ADD2: variants seen among roughly 807,000 people sequenced by gnomAD.
ADD2 encodes the protein adducin 2.
In ADD2, 23 loss-of-function variants were observed where a neutral mutation model predicts 83.0. The observed-to-expected ratio is 0.28, with a 90% CI of 0.20 to 0.39. The LOEUF (loss-of-function observed/expected upper bound fraction) is 0.39, where lower values mean the gene tolerates loss of function less well. ADD2 is among the 10% of genes least tolerant of loss of function. ADD2 has a pLI of 1.00. For synonymous variants in ADD2, 375 were observed against 375.4 expected, an observed-to-expected ratio of 1.00 and a Z score of 0.01; for missense variants, 758 against 944.9, an observed-to-expected ratio of 0.80 and a Z score of 2.59.
rs781822386 is a variant in ADD2, at chr2:70,706,486, C to T, written c.-34-44G>A. 6 of 1,503,296 alleles carry T rather than the reference C, an allele frequency of 4.0e-6. No homozygotes were observed. The East Asian group carries it at 1.4e-4, about 34-fold the overall frequency. The allele number at this position is 1,503,296 out of a possible 1,614,324, so 93.1% of individuals were successfully genotyped here. A position where few individuals can be genotyped will look rare whatever the true frequency, so the allele number is the denominator to read the frequency against. On this transcript the variant is annotated intron_variant, in intron 2 of 15. Transcript: ENST00000264436. This position sits in a 1 kb window ranked among gnomAD's most constrained non-coding sequence, Gnocchi z 5.0. Reference sequence around the variant, plus strand: ...GGTATGCGGTCAGGTTGGTGCTCCCCATCGGGGTACACGTTTCTCAGAGCA... The same window carrying T: ...GGTATGCGGTCAGGTTGGTGCTCCCTATCGGGGTACACGTTTCTCAGAGCA...
At position 70,757,465 on chromosome 2, in the gene ADD2, G is replaced by C. The variant is rs1368226870; in HGVS notation, c.-154+10421C>G. 1.3e-5 allele frequency among the ~76,000 whole-genome samples: 2 copies of C among 152,316 alleles called. 1 individual carries two copies. The highest frequency in any genetic ancestry group is 6.8e-3 in the Middle Eastern group (2 of 294). Reference sequence around the variant, plus strand: ...TAAGAGAGAGGAAGTCTCACACACAGTATGGTGGGAATGAGTGTGGAATGG... The same window carrying C: ...TAAGAGAGAGGAAGTCTCACACACACTATGGTGGGAATGAGTGTGGAATGG... On this transcript the variant is annotated intron_variant, in intron 1 of 15. Transcript: ENST00000264436.
At chr2:70,711,779 C>T (rs1468949394) in intron 2 of ADD2, among the ~76,000 whole-genome samples, 1 of 152,164 alleles carries the variant, frequency 6.6e-6, no homozygotes, top group African/African-American at 2.4e-5. Flanking sequence ...AATATGATTG[C>T]AAGTACCATA....
intron 1 of ADD2, among the ~76,000 whole-genome samples, chr2:70,755,365 C>G (rs1313349391): frequency 6.6e-6 from 1 of 152,230 alleles, no homozygotes; most frequent in Admixed American, 6.5e-5. Context: ...CTCACTGCTG[C>G]CTCCCAAAAG....
chr2:70,711,147 T>C (rs1672157533), intron 2 of ADD2: 1 of 152,136 alleles, frequency 6.6e-6, no homozygotes, highest in South Asian at 2.1e-4. Flanking sequence ...ATGCTGAAGA[T>C]CAGAGGAGAC....
Position 70,663,490 on chromosome 2 carries a change from T to C in ADD2, c.2116A>G (p.Lys706Glu). ...AAGGAGGGGGTTCGGAATTTCTTTT[T>C]CTTCTTTGAGGGAGACTTGGAAGGT... ...GSPSKSPSKKKKKFRTPSFLK... is the reference protein window; with the variant it reads ...GSPSKSPSKKEKKFRTPSFLK... The change falls in exon 16 of 16, where the codon AAA becomes GAA. Residue 706 changes from lysine to glutamate, a missense_variant. Lys to Glu is a moderately conservative substitution (Grantham distance 56, BLOSUM62 1). This residue lies in a region of ADD2 where 165 missense variants were observed against 176.2 expected (regional missense o/e 0.94). Coordinates refer to ENST00000264436, the MANE Select transcript of ADD2 (RefSeq NM_001617.4). The C allele has an allele frequency of 6.2e-7, 1 of 1,614,118 alleles. No homozygotes were observed.
rs371529947 is a variant in ADD2 at position 70,706,204 on chromosome 2, C to T, written c.183+22G>A. The T allele has an allele frequency of 4.3e-6, 7 of 1,610,046 alleles. No individual in the cohort carries two copies. The highest frequency in any genetic ancestry group is 2.7e-5 in the African/African-American group (2 of 74,980). ...AGCCAGCGCCCCCTGCGCCCTCTCC[C>T]GCCCGGGTCAGCCCCACTCACGGGA... On this transcript the variant is annotated intron_variant, in intron 3 of 15. Coordinates refer to ENST00000264436, the MANE Select transcript of ADD2 (RefSeq NM_001617.4). This position sits in a 1 kb window ranked among gnomAD's most constrained non-coding sequence, Gnocchi z 5.0.
chr2:70,675,573 C>A, intron 13 of ADD2: 1 of 985,478 alleles, frequency 1.0e-6, no homozygotes, highest in Non-Finnish European at 1.2e-6. Flanking sequence ...GACTCCACAG[C>A]CTTTTTTCCT....
chr2:70,737,690 A>G (rs1017570132), intron 1 of ADD2, among the ~76,000 whole-genome samples: 7 of 152,164 alleles, frequency 4.6e-5, no homozygotes, highest in Non-Finnish European at 7.4e-5. Context: ...AAACCTGCAC[A>G]TTGTGCACAT....
At chr2:70,751,277 G>A (rs1248421189) in intron 1 of ADD2, among the ~76,000 whole-genome samples, 1 of 152,174 alleles carries the variant, frequency 6.6e-6, no homozygotes, top group Non-Finnish European at 1.5e-5. Flanking sequence ...CCTAAAGATG[G>A]GCAGGGCTGG....
intron 2 of ADD2, among the ~76,000 whole-genome samples, chr2:70,710,570 T>C (rs1488334953): frequency 3.9e-5 from 6 of 152,346 alleles, no homozygotes; most frequent in African/African-American, 1.4e-4. Context: ...GCCAACCCTT[T>C]GGCTTTGTGA....
rs1175576929 is a variant in ADD2 at position 70,713,042 on chromosome 2, CACCAG to C, written c.-35+19_-35+23del. 1.0e-6 allele frequency: 1 copy of C among 968,508 alleles called. No individual in the cohort carries two copies. Among genetic ancestry groups the C allele is most frequent in the Non-Finnish European group, 1.2e-6 (1 of 814,624 alleles). 60.0% of individuals were successfully genotyped at this position (968,508 alleles called of 1,614,324 possible). ...AAAAAGTGTGCATCACCCCCGTCACCACCAGAAACTACTGCTTACTTACCGGGAGG... is the reference window on the plus strand; with the variant it reads ...AAAAAGTGTGCATCACCCCCGTCACCAAACTACTGCTTACTTACCGGGAGG... On this transcript the variant is annotated intron_variant, in intron 2 of 15. Transcript: ENST00000264436.
chr2:70,701,142 C>A (rs1468734409), intron 4 of ADD2, among the ~76,000 whole-genome samples: 2 of 151,880 alleles, frequency 1.3e-5, no homozygotes, highest in Admixed American at 6.6e-5. Flanking sequence ...AATATGAATG[C>A]AAAAATCTTT....
At position 70,741,561 on chromosome 2, in the gene ADD2, C is replaced by T. The variant is rs1265681999; in HGVS notation, c.-154+26325G>A. ...CGTACAGGAGAAGATGACATTTCCC[C>T]ACCACATTCCAGGTCAGCATTCCCA... On this transcript the variant is annotated intron_variant, in intron 1 of 15. Transcript: ENST00000264436. 2.6e-5 allele frequency among the ~76,000 whole-genome samples: 4 copies of T among 152,278 alleles called. No homozygotes were observed. In the East Asian group the frequency reaches 5.8e-4, roughly 22 times the overall value.
intron 1 of ADD2, among the ~76,000 whole-genome samples, chr2:70,759,918 C>T (rs1428288490): frequency 2.0e-5 from 3 of 152,136 alleles, no homozygotes; most frequent in Admixed American, 6.5e-5. Context: ...ACCCCACTGA[C>T]CATACCACAG....
intron 1 of ADD2, 30 bp from the exon 2 acceptor site, chr2:70,713,214 G>A (rs1358053185): frequency 3.3e-6 from 3 of 901,068 alleles, no homozygotes; most frequent in Non-Finnish European, 4.0e-6. Context: ...CAAGTGTCAG[G>A]GCCTGCACCA....
intron 4 of ADD2, among the ~76,000 whole-genome samples, chr2:70,701,954 C>T (rs1671605803): frequency 6.6e-6 from 1 of 152,070 alleles, no homozygotes; most frequent in Non-Finnish European, 1.5e-5. Flanking sequence ...CTTTAAGTAC[C>T]TACTATGTGC....
Position 70,678,732 on chromosome 2 carries a change from C to T in ADD2, c.1355G>A (p.Ser452Asn). ...RVNVADEVQR[S>N]MGSPRPKTTW... ...GGTCTTGGGTCGGGGGCTGCCCATG[C>T]TCCTCTGGACCTCATCGGCCACATT... The change falls in exon 11 of 16, where the codon AGC (serine) becomes AAC (asparagine). Residue 452 changes from serine to asparagine, a missense_variant. By Grantham distance (46) the Ser-to-Asn change is conservative (BLOSUM62 1). Transcript: ENST00000264436. 6.3e-7 allele frequency: 1 copy of T among 1,583,806 alleles called. No homozygotes were observed. Among genetic ancestry groups the T allele is most frequent in the East Asian group, 2.2e-5 (1 of 44,596 alleles).
intron 10 of ADD2, 99 bp from the exon 11 acceptor site, chr2:70,679,060 C>T (rs1670327782): frequency 7.2e-7 from 1 of 1,394,236 alleles, no homozygotes; most frequent in African/African-American, 1.5e-5. Flanking sequence ...GCTTAAAGGA[C>T]TCTTCATGTA....
chr2:70,665,452 C>T (rs1041256164), intron 15 of ADD2, among the ~76,000 whole-genome samples: 8 of 152,138 alleles, frequency 5.3e-5, no homozygotes, highest in African/African-American at 1.7e-4. Context: ...TGTCCCATCC[C>T]GTCCCGCCAC....
Sources: gnomAD v4.1 joint callset for allele counts (sites outside exome capture counted in the v4.1 genomes callset) on GRCh38, gnomAD v4.1.1 for gene constraint, gnomAD v4.1.1 regional missense constraint, Gnocchi (gnomAD v3.1) non-coding constraint, MANE v1.5 for transcripts, NCBI Gene and HGNC (gene_info 2026-07-23, HGNC 2026-07-21) for gene names.